Variants in ATG7 observed in about 807,000 individuals in gnomAD.
The protein encoded by ATG7 is ubiquitin-like modifier-activating enzyme ATG7.
A neutral mutation model predicts 82.4 loss-of-function variants in ATG7; 70 were observed. That is an observed-to-expected ratio of 0.85 (90% CI 0.70 to 1.04). ATG7 has a LOEUF of 1.04. Ranked by LOEUF, ATG7 falls within the 50% of genes least tolerant of loss-of-function variation. ATG7 has a pLI of 0.00. For missense variants in ATG7, 792 were observed against 864.3 expected, an observed-to-expected ratio of 0.92 and a Z score of 1.05; for synonymous variants, 287 against 313.0, an observed-to-expected ratio of 0.92 and a Z score of 0.88.
intron 20 of ATG7, among the ~76,000 whole-genome samples, chr3:11,469,988 C>CAAAAAAAAAAAAAAAAAAAAAAA (rs10628540): frequency 1.1e-5 from 1 of 87,574 alleles, no homozygotes. Context: ...GACTCCATCT[C>CAAAAAAAAAAAAAAAAAAAAAAA]AAAAAAAAAA....
intron 20 of ATG7, among the ~76,000 whole-genome samples, chr3:11,492,105 A>G (rs1400976100): frequency 3.3e-5 from 5 of 152,316 alleles, no homozygotes; most frequent in East Asian, 1.9e-4. Flanking sequence ...TGTGCTAGCA[A>G]TCAGTGAGAC....
downstream of ATG7, among the ~76,000 whole-genome samples, chr3:11,560,797 G>GGT (rs60106634): frequency 2.6e-4 from 40 of 152,282 alleles, no homozygotes; most frequent in African/African-American, 9.6e-4. Flanking sequence ...CGGCCTCCAT[G>GGT]GTGTGCACAG....
intron 20 of ATG7, among the ~76,000 whole-genome samples, chr3:11,528,122 A>G (rs1053726815): frequency 6.6e-6 from 1 of 152,226 alleles, no homozygotes; most frequent in Admixed American, 6.5e-5. Flanking sequence ...GAACAACTTA[A>G]TGAAGTAAAG....
chr3:11,419,364 G>A lies in ATG7; in HGVS notation c.1957-7440G>A, dbSNP rs2081717895. 3.3e-5 allele frequency among the ~76,000 whole-genome samples: 5 copies of A among 152,078 alleles called. No homozygotes were observed. The South Asian group carries it at 1.0e-3, about 32-fold the overall frequency. On this transcript the variant is annotated intron_variant, in intron 19 of 20. Coordinates refer to ENST00000693202, the MANE Select transcript of ATG7 (RefSeq NM_001349232.2). The stretch of plus-strand genomic sequence containing the variant: ...GGCCAGGAGTTCTGAGACGAGCCTG[G>A]GCAACATGGCAAAACCCCATCTCTA...
At chr3:11,294,866 G>C (rs1159843911) in intron 3 of ATG7, among the ~76,000 whole-genome samples, 1 of 152,204 alleles carries the variant, frequency 6.6e-6, no homozygotes, top group Non-Finnish European at 1.5e-5. Flanking sequence ...TGTAATCTCA[G>C]CACTTTAGGA....
intron 20 of ATG7, among the ~76,000 whole-genome samples, chr3:11,449,316 G>A (rs1342612560): frequency 6.6e-6 from 1 of 152,158 alleles, no homozygotes; most frequent in Non-Finnish European, 1.5e-5. Flanking sequence ...AGGCTGCAGT[G>A]AGCTATGATT....
intron 11 of ATG7, 105 bp from the exon 12 acceptor site, chr3:11,340,540 A>G: frequency 2.1e-6 from 2 of 962,542 alleles, no homozygotes; most frequent in South Asian, 3.1e-5. Context: ...TTGTCAATGC[A>G]TGGGCCATTA....
At chr3:11,351,702 G>A (rs2075558229) in intron 14 of ATG7, among the ~76,000 whole-genome samples, 1 of 152,150 alleles carries the variant, frequency 6.6e-6, no homozygotes, top group Non-Finnish European at 1.5e-5. Flanking sequence ...TATCCTTCAT[G>A]CCTTATAAAT....
chr3:11,281,620 A>G (rs965727488), intron 2 of ATG7, among the ~76,000 whole-genome samples: 4 of 152,116 alleles, frequency 2.6e-5, no homozygotes, highest in Non-Finnish European at 5.9e-5. Flanking sequence ...TAAAAATACA[A>G]AAAATTACCT....
intron 20 of ATG7, among the ~76,000 whole-genome samples, chr3:11,429,939 CTG>C (rs2082717904): frequency 1.7e-5 from 2 of 118,844 alleles, no homozygotes; most frequent in African/African-American, 6.1e-5. Flanking sequence ...GAGCGAGACT[CTG>C]TCTCAGGAAA....
At chr3:11,341,884 C>T (rs1005238346) in intron 12 of ATG7, among the ~76,000 whole-genome samples, 11 of 152,164 alleles carry the variant, frequency 7.2e-5, no homozygotes, top group Non-Finnish European at 1.3e-4. Context: ...ACTGGTCATG[C>T]TCTTCCCTTT....
At chr3:11,524,742 A>G (rs1052176442) in intron 20 of ATG7, among the ~76,000 whole-genome samples, 1 of 152,144 alleles carries the variant, frequency 6.6e-6, no homozygotes, top group African/African-American at 2.4e-5. Flanking sequence ...AATTATGATC[A>G]TGCCACTGTG....
the ATG7 span, among the ~76,000 whole-genome samples, chr3:11,562,916 A>C: frequency 4.6e-3 from 698 of 152,320 alleles, 5 homozygotes; most frequent in African/African-American, 0.016. Flanking sequence ...CAGGAGCCCC[A>C]AGGCACAAGG....
At chr3:11,389,181 C>T (rs540204851) in intron 19 of ATG7, among the ~76,000 whole-genome samples, 5 of 128,828 alleles carry the variant, frequency 3.9e-5, no homozygotes, top group South Asian at 2.5e-4. Context: ...TGCAGTGAGT[C>T]GAGATGGTGC....
intron 11 of ATG7, among the ~76,000 whole-genome samples, chr3:11,339,153 G>A (rs1054792262): frequency 2.6e-5 from 4 of 151,850 alleles, no homozygotes; most frequent in African/African-American, 7.3e-5. Context: ...AAAATTAGCC[G>A]GGCATGCTGG....
chr3:11,302,200 G>A (rs1473290184), intron 5 of ATG7, among the ~76,000 whole-genome samples: 1 of 150,912 alleles, frequency 6.6e-6, no homozygotes, highest in African/African-American at 2.5e-5. Context: ...CTAATTAACT[G>A]TGCTACTTCA....
chr3:11,392,880 T>G (rs1297981730), intron 19 of ATG7, among the ~76,000 whole-genome samples: 1 of 152,114 alleles, frequency 6.6e-6, no homozygotes, highest in Non-Finnish European at 1.5e-5. Context: ...AACAATAAAG[T>G]CAAGTCTCAG....
At chr3:11,426,309 T>C (rs1482827557) in intron 19 of ATG7, among the ~76,000 whole-genome samples, 1 of 152,244 alleles carries the variant, frequency 6.6e-6, no homozygotes, top group African/African-American at 2.4e-5. Context: ...TTCATGTTTA[T>C]TGGCTCTTTG....
At chr3:11,528,559 A>ACT in intron 20 of ATG7, among the ~76,000 whole-genome samples, 1 of 152,206 alleles carries the variant, frequency 6.6e-6, no homozygotes, top group East Asian at 1.9e-4. Flanking sequence ...GGGCGCAGTG[A>ACT]CTCATTCCTG....
Sources: gnomAD v4.1 joint callset for allele counts (sites outside exome capture counted in the v4.1 genomes callset) on GRCh38, gnomAD v4.1.1 for gene constraint, MANE v1.5 for transcripts, NCBI Gene and HGNC (gene_info 2026-07-23, HGNC 2026-07-21) for gene names.